TSPAN32: variants seen among roughly 807,000 people sequenced by gnomAD.
TSPAN32 encodes the protein tetraspanin 32.
TSPAN32 carries 47 observed loss-of-function variants against 42.7 expected under a neutral mutation model. The observed-to-expected ratio is 1.10, with a 90% CI of 0.87 to 1.40. The LOEUF (loss-of-function observed/expected upper bound fraction) is 1.40, where lower values mean the gene tolerates loss of function less well. Ranked by LOEUF, TSPAN32 falls within the 40% of genes most tolerant of loss-of-function variation. The pLI, the probability that TSPAN32 is intolerant of heterozygous loss-of-function variation, is 0.00. For synonymous variants in TSPAN32, 175 were observed against 175.9 expected (o/e 0.99, Z 0.04); for missense variants, 469 against 424.1 (o/e 1.11, Z -0.93).
In TSPAN32 at chr11:2,313,523, C is replaced by G. The variant is rs776873276; in HGVS notation, c.355-131C>G. 4.4e-6 allele frequency: 3 copies of G among 678,672 alleles called. No homozygotes were observed. Among genetic ancestry groups the G allele is most frequent in the Non-Finnish European group, 7.4e-6 (3 of 403,934 alleles). The allele number at this position is 678,672 out of a possible 1,614,324, so 42.0% of individuals were successfully genotyped here. The stretch of plus-strand genomic sequence containing the variant: ...GTTCCGCTTTGGGGAGATCCACCTG[C>G]TACAAGGAGGGCAGTGCTGGGACGT... On this transcript the variant is annotated intron_variant, in intron 4 of 9. Coordinates refer to ENST00000182290, the MANE Select transcript of TSPAN32 (RefSeq NM_139022.3). The surrounding 1 kb of genome is among the most constrained non-coding windows in gnomAD (Gnocchi z 9.1).
chr11:2,315,102 C>T (rs1054471536), intron 6 of TSPAN32: 6 of 466,166 alleles, frequency 1.3e-5, no homozygotes, highest in South Asian at 7.8e-5. Flanking sequence ...AGCCTTTCCT[C>T]CCCAGGGCCC....
chr11:2,317,534 G>T lies in TSPAN32; in HGVS notation c.901+9G>T. The T allele has an allele frequency of 1.3e-6, 2 of 1,568,190 alleles. No individual in the cohort carries two copies. Among genetic ancestry groups the T allele is most frequent in the South Asian group, 2.3e-5 (2 of 86,256 alleles). ...CCTGGCTGCCCACAGAGGTGAAGAC[G>T]CCCCTGCTGTCAGCCCTCATGGGAT... On this transcript the variant is annotated intron_variant, in intron 9 of 9. Coordinates refer to ENST00000182290, the MANE Select transcript of TSPAN32 (RefSeq NM_139022.3). This position sits in a 1 kb window ranked among gnomAD's most constrained non-coding sequence, Gnocchi z 6.2.
chr11:2,316,195 C>T (rs2133382668), intron 6 of TSPAN32, 34 bp from the exon 7 acceptor site: 5 of 1,521,940 alleles, frequency 3.3e-6, no homozygotes, highest in Non-Finnish European at 3.5e-6. Flanking sequence ...GAGGGCCGCT[C>T]AGGGCGGGTA....
rs34185560 is a variant in TSPAN32 at position 2,314,162 on chromosome 11, TA to T, written c.457-307del. ...ACATAGGGAGACCTTGTCTCTACTT[TA>T]AAAAAAAAAAAAAAAGAAAAGAAAA... On this transcript the variant is annotated intron_variant, in intron 5 of 9. Coordinates refer to ENST00000182290, the MANE Select transcript of TSPAN32 (RefSeq NM_139022.3). Among the ~76,000 whole-genome samples the T allele has an allele frequency of 8.4e-4, 116 of 137,638 alleles. 1 individual carries two copies. The highest frequency in any genetic ancestry group is 9.4e-4 in the African/African-American group (35 of 37,062). The allele number at this position is 137,638 out of a possible 152,430, so 90.3% of individuals were successfully genotyped here. A position where few individuals can be genotyped will look rare whatever the true frequency, so the allele number is the denominator to read the frequency against.
chr11:2,305,740 G>GAGCA (rs1346869064), intron 3 of TSPAN32, among the ~76,000 whole-genome samples: 2 of 152,304 alleles, frequency 1.3e-5, no homozygotes, highest in African/African-American at 4.8e-5. Context: ...CAGGCCTGTA[G>GAGCA]AGCAGCCTTG....
intron 3 of TSPAN32, among the ~76,000 whole-genome samples, chr11:2,305,905 C>T (rs1252407545): frequency 6.6e-6 from 1 of 152,224 alleles, no homozygotes; most frequent in Admixed American, 6.5e-5. Flanking sequence ...TGGGAGACCC[C>T]AGTCAAGAGA....
At chr11:2,305,371 C>CCCA (rs386372925) in intron 3 of TSPAN32, among the ~76,000 whole-genome samples, 21 of 34,376 alleles carry the variant, frequency 6.1e-4, no homozygotes, top group Non-Finnish European at 1.1e-3. Flanking sequence ...AGGTAGTCTG[C>CCCA]CCCCCCCCCC....
At position 2,302,974 on chromosome 11, in the gene TSPAN32, G is replaced by A. The variant is rs777841962; in HGVS notation, c.181+16G>A. Reference sequence around the variant, plus strand: ...CACCAATGGGGTAAGTGAGGTCCAGGCCTGGCTGCATCGGGAGGGGCCTCG... The same window carrying A: ...CACCAATGGGGTAAGTGAGGTCCAGACCTGGCTGCATCGGGAGGGGCCTCG... On this transcript the variant is annotated intron_variant, in intron 2 of 9. Coordinates refer to ENST00000182290, the MANE Select transcript of TSPAN32 (RefSeq NM_139022.3). 10 of 1,606,698 alleles carry A rather than the reference G, an allele frequency of 6.2e-6. No individual in the cohort carries two copies. The highest frequency in any genetic ancestry group is 1.3e-5 in the African/African-American group (1 of 74,774).
Position 2,308,762 on chromosome 11 carries a change from C to T in TSPAN32, c.306C>T (p.Phe102=), listed in dbSNP as rs1486471786. 2.4e-5 allele frequency: 38 copies of T among 1,575,302 alleles called. No homozygotes were observed. The highest frequency in any genetic ancestry group is 3.1e-5 in the Non-Finnish European group (36 of 1,160,440). Residue 102 remains phenylalanine, a synonymous_variant, in exon 4 of 10, where the codon TTC becomes TTT. Coordinates refer to ENST00000182290, the MANE Select transcript of TSPAN32 (RefSeq NM_139022.3). ...AGGFLCFSLA[F]CAQVQVVFWR... ...GCTTCCTGTGCTTCTCCCTGGCGTT[C>T]TGCGCACAGGTGCAGGTGGTGTTCT...
chr11:2,311,530 C>T (rs934168670), intron 4 of TSPAN32, among the ~76,000 whole-genome samples: 1 of 152,132 alleles, frequency 6.6e-6, no homozygotes, highest in Non-Finnish European at 1.5e-5. Context: ...GAGCCACTAC[C>T]CTCCCTGGAT....
chr11:2,315,640 C>G, intron 6 of TSPAN32: 1 of 1,186,676 alleles, frequency 8.4e-7, no homozygotes, highest in South Asian at 1.6e-5. Context: ...AGCCCTGAGA[C>G]CCTGCGGAGG....
rs1380170048 is a variant in TSPAN32, at chr11:2,315,535, C to T, written c.544-694C>T. ...CCGACTGCAAAGCCTCCTGGGGAGC[C>T]GGAAGAGCCAGCACAGGCGGCAGGC... On this transcript the variant is annotated intron_variant, in intron 6 of 9. Transcript: ENST00000182290. The T allele has an allele frequency of 1.2e-5, 14 of 1,162,416 alleles. No individual in the cohort carries two copies. In the African/African-American group the frequency reaches 1.3e-4, roughly 11 times the overall value. The allele number at this position is 1,162,416 out of a possible 1,614,324, so 72.0% of individuals were successfully genotyped here. A position where few individuals can be genotyped will look rare whatever the true frequency, so the allele number is the denominator to read the frequency against.
At chr11:2,305,082 C>T (rs1463676648) in intron 3 of TSPAN32, among the ~76,000 whole-genome samples, 1 of 152,240 alleles carries the variant, frequency 6.6e-6, no homozygotes, top group Admixed American at 6.5e-5. Flanking sequence ...GTCCCCAGGG[C>T]TGGCAGGGTT....
In TSPAN32 at chr11:2,317,436, G is replaced by A. The variant is rs774943231; in HGVS notation, c.812G>A (p.Gly271Asp). ...HCLHSEAVAI[G>D]PRGCSGSLRW... is the part of the protein sequence containing the mutation. ...CTCCACTCCGAAGCAGTTGCTATTG[G>A]TCCAAGAGGATGCTCGGGTAGTCTT... Residue 271 changes from glycine to aspartate, a missense_variant, in exon 9 of 10, where the codon GGT becomes GAT. Coordinates refer to ENST00000182290, the MANE Select transcript of TSPAN32 (RefSeq NM_139022.3). The surrounding 1 kb of genome is among the most constrained non-coding windows in gnomAD (Gnocchi z 6.2). 6.2e-7 allele frequency: 1 copy of A among 1,603,990 alleles called. No individual in the cohort carries two copies.
Position 2,317,334 on chromosome 11 carries a change from T to G in TSPAN32, c.720-10T>G, listed in dbSNP as rs1206105018. 1.3e-6 allele frequency: 2 copies of G among 1,580,414 alleles called. No homozygotes were observed. The highest frequency in any genetic ancestry group is 2.7e-5 in the African/African-American group (2 of 73,968). Reference sequence around the variant, plus strand: ...TTCCACCACAGCCCCATGATCCCCTTGCTCCTCAGAGCATGTGGCCGCCAG... The same window carrying G: ...TTCCACCACAGCCCCATGATCCCCTGGCTCCTCAGAGCATGTGGCCGCCAG... On this transcript the variant is annotated splice_polypyrimidine_tract_variant and intron_variant, in intron 8 of 9. Coordinates refer to ENST00000182290, the MANE Select transcript of TSPAN32 (RefSeq NM_139022.3). This position sits in a 1 kb window ranked among gnomAD's most constrained non-coding sequence, Gnocchi z 6.2.
rs1451503162 is a variant in TSPAN32 at position 2,313,507 on chromosome 11, T to C, written c.355-147T>C. 3.2e-6 allele frequency: 2 copies of C among 629,152 alleles called. No individual in the cohort carries two copies. Among genetic ancestry groups the C allele is most frequent in the Admixed American group, 5.7e-5 (2 of 35,030 alleles). The allele number at this position is 629,152 out of a possible 1,614,324, so 39.0% of individuals were successfully genotyped here. On this transcript the variant is annotated intron_variant, in intron 4 of 9. Transcript: ENST00000182290. This position sits in a 1 kb window ranked among gnomAD's most constrained non-coding sequence, Gnocchi z 9.1. ...CTGCCCAGGGACCCAGGTTCCGCTT[T>C]GGGGAGATCCACCTGCTACAAGGAG...
rs1848895686 is a variant in TSPAN32, at chr11:2,317,862, G to C, written c.902-1G>C. ...AGCAGTGCCCATTTATGATCTCGCAGCTCTCCAGGGCAGAAGTCGCGGTGG... is the reference window on the plus strand; with the variant it reads ...AGCAGTGCCCATTTATGATCTCGCACCTCTCCAGGGCAGAAGTCGCGGTGG... On this transcript the variant is annotated splice_acceptor_variant, in intron 9 of 9. Transcript: ENST00000182290. LOFTEE classifies it high-confidence loss of function. The surrounding 1 kb of genome is among the most constrained non-coding windows in gnomAD (Gnocchi z 6.2). The C allele has an allele frequency of 6.4e-6, 10 of 1,565,678 alleles. No individual in the cohort carries two copies. The highest frequency in any genetic ancestry group is 8.8e-6 in the Non-Finnish European group (10 of 1,136,392).
intron 6 of TSPAN32, chr11:2,315,179 C>A: frequency 1.1e-6 from 1 of 898,228 alleles, no homozygotes. Context: ...CCACCCTGCC[C>A]CCTCCCTGCT....
chr11:2,307,570 T>C (rs1364932871), intron 3 of TSPAN32, among the ~76,000 whole-genome samples: 4 of 152,136 alleles, frequency 2.6e-5, no homozygotes, highest in Non-Finnish European at 1.5e-5. Context: ...CCAGGGTTCT[T>C]AGCCTGGGTG....
Sources: allele counts gnomAD v4.1 joint callset (sites outside exome capture counted in the v4.1 genomes callset), GRCh38; gene constraint gnomAD v4.1.1; non-coding constraint Gnocchi (gnomAD v3.1); transcripts MANE v1.5; gene names NCBI Gene and HGNC (gene_info 2026-07-23, HGNC 2026-07-21).